Variants in ANKRD33B observed in about 807,000 individuals in gnomAD.
ANKRD33B encodes the protein ankyrin repeat domain 33B, also known as ankyrin repeat domain-containing protein 33B.
Under a neutral mutation model 21.5 loss-of-function variants are expected in ANKRD33B, and 6 were observed. That is an observed-to-expected ratio of 0.28 (90% confidence interval 0.15 to 0.55). The LOEUF is 0.55. Ranked by LOEUF, ANKRD33B falls within the 20% of genes least tolerant of loss-of-function variation. The pLI, the probability that ANKRD33B is intolerant of heterozygous loss-of-function variation, is 0.94. For synonymous variants in ANKRD33B, 347 were observed against 342.4 expected (o/e 1.01, Z -0.15); for missense variants, 698 against 747.2 (o/e 0.93, Z 0.77).
intron 1 of ANKRD33B, among the ~76,000 whole-genome samples, chr5:10,611,416 G>A (rs1736169637): frequency 6.6e-6 from 1 of 152,168 alleles, no homozygotes; most frequent in Non-Finnish European, 1.5e-5. Context: ...CAGCTCAGTG[G>A]GGGTTGTCCC....
At chr5:10,564,904 G>A (rs1029467141) in intron 1 of ANKRD33B, 71 bp downstream of exon 1, 2 of 1,433,528 alleles carry the variant, frequency 1.4e-6, no homozygotes, top group Admixed American at 2.6e-5. Context: ...CCACATCCCC[G>A]CGCCTCCCAG....
At chr5:10,600,764 T>C (rs896862210) in intron 1 of ANKRD33B, among the ~76,000 whole-genome samples, 2 of 152,200 alleles carry the variant, frequency 1.3e-5, no homozygotes, top group African/African-American at 2.4e-5. Flanking sequence ...TCTTCCATTT[T>C]ACACTCCCAC....
chr5:10,564,885 T>C, intron 1 of ANKRD33B, 52 bp downstream of exon 1: 1 of 1,447,800 alleles, frequency 6.9e-7, no homozygotes, highest in Non-Finnish European at 9.1e-7. Context: ...CCCACTCCCC[T>C]CCTCCCCACC....
intron 1 of ANKRD33B, among the ~76,000 whole-genome samples, chr5:10,607,435 T>C (rs1736069730): frequency 6.6e-6 from 1 of 152,222 alleles, no homozygotes; most frequent in South Asian, 2.1e-4. Context: ...TGACACCTGC[T>C]ATTTCACTTA....
chr5:10,585,437 C>T (rs1295834754), intron 1 of ANKRD33B, among the ~76,000 whole-genome samples: 1 of 152,196 alleles, frequency 6.6e-6, no homozygotes, highest in Non-Finnish European at 1.5e-5. Flanking sequence ...TTAGGTCTGA[C>T]TTCGAGTCTC....
chr5:10,649,443 A>G lies in ANKRD33B; in HGVS notation c.815A>G (p.Lys272Arg). ...ELPPPPEAAR[K>R]PAGSKNCLQR... ...CCGCCGCCCCCTGAAGCGGCGCGGA[A>G]GCCCGCGGGCTCCAAGAACTGCCTG... is the stretch of plus-strand genomic sequence containing the variant. The change falls in exon 4 of 4, where the codon AAG (lysine) becomes AGG (arginine). Residue 272 changes from lysine to arginine, a missense_variant. Physicochemically the swap from Lys to Arg is conservative, Grantham distance 26. Coordinates refer to ENST00000296657, the MANE Select transcript of ANKRD33B (RefSeq NM_001164440.2). The G allele has an allele frequency of 6.5e-7, 1 of 1,535,308 alleles. No individual in the cohort carries two copies. Among genetic ancestry groups the G allele is most frequent in the South Asian group, 1.2e-5 (1 of 84,014 alleles).
At chr5:10,641,232 T>C (rs1425248312) in intron 3 of ANKRD33B, among the ~76,000 whole-genome samples, 5 of 136,928 alleles carry the variant, frequency 3.7e-5, no homozygotes, top group East Asian at 2.0e-4. Flanking sequence ...CTTCTTTTTT[T>C]TTTTTTTTTT....
At chr5:10,627,435 C>G (rs1012122346) in intron 2 of ANKRD33B, 1 of 152,202 alleles carries the variant, frequency 6.6e-6, no homozygotes, top group African/African-American at 2.4e-5. Context: ...TTATTTCTTG[C>G]ATTTAATTGT....
intron 2 of ANKRD33B, among the ~76,000 whole-genome samples, chr5:10,637,638 A>C (rs1736902193): frequency 6.6e-6 from 1 of 151,986 alleles, no homozygotes; most frequent in African/African-American, 2.4e-5. Context: ...GCAGCTTTGC[A>C]TCTGTTTGCA....
chr5:10,605,856 A>G (rs559114174), intron 1 of ANKRD33B, among the ~76,000 whole-genome samples: 1 of 152,298 alleles, frequency 6.6e-6, no homozygotes, highest in East Asian at 1.9e-4. Flanking sequence ...CCGCTCTTCT[A>G]GCCTTGCTAG....
rs56895208 is a variant in ANKRD33B at position 10,616,564 on chromosome 5, C to CAAAAAAA, written c.367-1757_367-1751dup. On this transcript the variant is annotated intron_variant, in intron 1 of 3. Coordinates refer to ENST00000296657, the MANE Select transcript of ANKRD33B (RefSeq NM_001164440.2). The stretch of plus-strand genomic sequence containing the variant: ...GGGCAACAAGAGTGAAACTCTGTCT[C>CAAAAAAA]AAAAAAAAAAAAAAAAAATCTGGTG... 8.6e-4 allele frequency among the ~76,000 whole-genome samples: 101 copies of CAAAAAAA among 117,440 alleles called. 7 individuals carry two copies. The highest frequency in any genetic ancestry group is 1.9e-3 in the African/African-American group (56 of 28,860). The allele number at this position is 117,440 out of a possible 152,430, so 77.0% of individuals were successfully genotyped here. A position where few individuals can be genotyped will look rare whatever the true frequency, so the allele number is the denominator to read the frequency against.
chr5:10,610,404 C>T (rs373802135), intron 1 of ANKRD33B, among the ~76,000 whole-genome samples: 3 of 151,666 alleles, frequency 2.0e-5, no homozygotes, highest in Non-Finnish European at 2.9e-5. Context: ...GGGGACAGCC[C>T]CCCCCCCGAA....
intron 1 of ANKRD33B, among the ~76,000 whole-genome samples, chr5:10,578,991 C>T (rs1735381736): frequency 6.6e-6 from 1 of 151,902 alleles, no homozygotes; most frequent in Non-Finnish European, 1.5e-5. Flanking sequence ...TGGCGAAACC[C>T]CATCTCTACA....
intron 1 of ANKRD33B, among the ~76,000 whole-genome samples, chr5:10,578,601 C>T (rs969706648): frequency 1.3e-5 from 2 of 152,018 alleles, no homozygotes; most frequent in African/African-American, 4.8e-5. Flanking sequence ...GAGGGTGGGG[C>T]TGGATTGGAG....
In ANKRD33B at chr5:10,651,446, C is replaced by T. The variant is rs928721284; in HGVS notation, c.*1333C>T. On this transcript the variant is annotated 3_prime_UTR_variant, in exon 4 of 4. Transcript: ENST00000296657. ...TCTCAGTGATCAAATTTGAATTTAT[C>T]AAAGGGGGTTTTCTGCATAATTTTG... 1 of 152,150 alleles carries T rather than the reference C, an allele frequency of 6.6e-6. No homozygotes were observed. Among genetic ancestry groups the T allele is most frequent in the Non-Finnish European group, 1.5e-5 (1 of 67,992 alleles). 9.4% of individuals were successfully genotyped at this position (152,150 alleles called of 1,614,324 possible).
intron 1 of ANKRD33B, among the ~76,000 whole-genome samples, chr5:10,615,807 A>T (rs1357221894): frequency 1.3e-5 from 2 of 152,242 alleles, no homozygotes; most frequent in Non-Finnish European, 2.9e-5. Context: ...GAAGTTAAAA[A>T]TGATTTTTGG....
At chr5:10,601,209 C>T (rs1430893192) in intron 1 of ANKRD33B, among the ~76,000 whole-genome samples, 1 of 152,108 alleles carries the variant, frequency 6.6e-6, no homozygotes, top group Non-Finnish European at 1.5e-5. Context: ...ACACCAGCTC[C>T]CACCTGAGAG....
chr5:10,631,536 G>A (rs927293290), intron 2 of ANKRD33B, among the ~76,000 whole-genome samples: 1 of 152,230 alleles, frequency 6.6e-6, no homozygotes, highest in African/African-American at 2.4e-5. Flanking sequence ...TGGCTATTGT[G>A]GCAGGGAAGC....
At chr5:10,638,254 T>A in intron 3 of ANKRD33B, 86 bp downstream of exon 3, 1 of 1,420,784 alleles carries the variant, frequency 7.0e-7, no homozygotes, top group Non-Finnish European at 9.4e-7. Flanking sequence ...GATTAATCAC[T>A]CCCATAGAAA....
Sources: gnomAD v4.1 joint callset for allele counts (sites outside exome capture counted in the v4.1 genomes callset) on GRCh38, gnomAD v4.1.1 for gene constraint, MANE v1.5 for transcripts, NCBI Gene and HGNC (gene_info 2026-07-23, HGNC 2026-07-21) for gene names.